The following FGF12 variants were observed in gnomAD, a reference collection of about 807,000 sequenced individuals.
FGF12 encodes fibroblast growth factor 12B.
A neutral mutation model predicts 23.6 loss-of-function variants in FGF12; 14 were observed. That is an observed-to-expected ratio of 0.59 (90% CI 0.39 to 0.93). The LOEUF is 0.93. FGF12 is among the 40% of genes least tolerant of loss of function. The pLI is 0.00. For synonymous variants in FGF12, 62 were observed against 77.3 expected, an observed-to-expected ratio of 0.80 and a Z score of 1.04; for missense variants, 175 against 217.8, an observed-to-expected ratio of 0.80 and a Z score of 1.24.
At chr3:192,527,531 G>A (rs1438023566) in intron 2 of FGF12, among the ~76,000 whole-genome samples, 1 of 152,154 alleles carries the variant, frequency 6.6e-6, no homozygotes, top group East Asian at 1.9e-4. Context: ...TTATGCAAGT[G>A]CACATTGTAA....
intron 2 of FGF12, among the ~76,000 whole-genome samples, chr3:192,469,331 T>A (rs1166451999): frequency 6.6e-6 from 1 of 152,216 alleles, no homozygotes; most frequent in African/African-American, 2.4e-5. Flanking sequence ...TAAATGTACA[T>A]TTGCTAACAC....
At chr3:192,264,121 G>A (rs2108620439) in intron 4 of FGF12, among the ~76,000 whole-genome samples, 1 of 152,088 alleles carries the variant, frequency 6.6e-6, no homozygotes, top group Non-Finnish European at 1.5e-5. Context: ...ATCTCATTAT[G>A]ACTTAGATTC....
intron 2 of FGF12, among the ~76,000 whole-genome samples, chr3:192,613,361 T>TA (rs1225070313): frequency 1.3e-5 from 2 of 151,890 alleles, no homozygotes; most frequent in Admixed American, 6.6e-5. Context: ...CTCACAGGTA[T>TA]ACCACAGATA....
chr3:192,686,153 G>A (rs1717724474), intron 2 of FGF12, among the ~76,000 whole-genome samples: 1 of 152,126 alleles, frequency 6.6e-6, no homozygotes, highest in African/African-American at 2.4e-5. Flanking sequence ...CAGTAGAGAG[G>A]ATGAAAATAT....
intron 4 of FGF12, among the ~76,000 whole-genome samples, chr3:192,272,947 T>C (rs1713540330): frequency 1.3e-5 from 2 of 152,182 alleles, no homozygotes; most frequent in Admixed American, 1.3e-4. Context: ...CCTCCATCTC[T>C]TTTTCAAACT....
chr3:192,241,479 A>G (rs1044047820), intron 4 of FGF12, among the ~76,000 whole-genome samples: 1 of 152,172 alleles, frequency 6.6e-6, no homozygotes, highest in Non-Finnish European at 1.5e-5. Flanking sequence ...AAAGCAGTAT[A>G]AAGAAAAACA....
chr3:192,149,360 T>C (rs967694037), intron 5 of FGF12, among the ~76,000 whole-genome samples: 23 of 150,362 alleles, frequency 1.5e-4, no homozygotes, highest in Admixed American at 6.6e-4. Flanking sequence ...CATGTGCACA[T>C]TGTGCAGGTT....
intron 2 of FGF12, among the ~76,000 whole-genome samples, chr3:192,599,460 G>T (rs2366844): frequency 0.33 from 49,956 of 151,632 alleles, 8,534 homozygotes; most frequent in African/African-American, 0.41. Flanking sequence ...ACCTCAGAAG[G>T]TAGTTCTGAG....
chr3:192,639,499 T>C (rs1715710648), intron 2 of FGF12, among the ~76,000 whole-genome samples: 1 of 152,210 alleles, frequency 6.6e-6, no homozygotes, highest in Non-Finnish European at 1.5e-5. Context: ...ATATCTGAAC[T>C]CCACATTCAT....
chr3:192,635,999 C>T (rs1471184522), intron 2 of FGF12, among the ~76,000 whole-genome samples: 1 of 152,162 alleles, frequency 6.6e-6, no homozygotes, highest in African/African-American at 2.4e-5. Flanking sequence ...CAAATACAAC[C>T]AATTGACACT....
At chr3:192,694,354 A>C (rs1191587219) in intron 2 of FGF12, among the ~76,000 whole-genome samples, 1 of 152,148 alleles carries the variant, frequency 6.6e-6, no homozygotes, top group Non-Finnish European at 1.5e-5. Context: ...AAAAATTAAA[A>C]ATACAACTAT....
At chr3:192,435,566 A>G (rs1315383600) in intron 2 of FGF12, among the ~76,000 whole-genome samples, 1 of 152,160 alleles carries the variant, frequency 6.6e-6, no homozygotes, top group Non-Finnish European at 1.5e-5. Context: ...CTGGTCCCAG[A>G]ACAGCATTGT....
At chr3:192,627,390 G>A (rs774283453) in intron 2 of FGF12, among the ~76,000 whole-genome samples, 9 of 151,526 alleles carry the variant, frequency 5.9e-5, no homozygotes, top group Non-Finnish European at 1.0e-4. Context: ...ACACTATACC[G>A]AATACTATAA....
At position 192,574,736 on chromosome 3, in the gene FGF12, G is replaced by C. The variant is rs144962397; in HGVS notation, c.13+152445C>G. Among the ~76,000 whole-genome samples the C allele has an allele frequency of 1.7e-3, 261 of 152,288 alleles. 9 individuals are homozygous for C. In the East Asian group the frequency reaches 0.028, roughly 16 times the overall value. On this transcript the variant is annotated intron_variant, in intron 2 of 5. Coordinates refer to ENST00000445105, the MANE Select transcript of FGF12 (RefSeq NM_004113.6). ...ATTTGTTGAATACTACTGTGTACTAGGTACAATAATTGAGACAGTAGATAA... is the reference window on the plus strand; with the variant it reads ...ATTTGTTGAATACTACTGTGTACTACGTACAATAATTGAGACAGTAGATAA...
intron 2 of FGF12, among the ~76,000 whole-genome samples, chr3:192,556,267 A>G (rs1711769547): frequency 6.6e-6 from 1 of 152,202 alleles, no homozygotes; most frequent in African/African-American, 2.4e-5. Flanking sequence ...ACTATAAGAT[A>G]TAAACAAATC....
intron 2 of FGF12, among the ~76,000 whole-genome samples, chr3:192,471,990 T>C (rs1407392743): frequency 2.0e-5 from 3 of 152,144 alleles, no homozygotes; most frequent in East Asian, 3.8e-4. Context: ...AGCCTATAGA[T>C]TGTATTTCAC....
At chr3:192,634,729 CTT>C (rs1036955047) in intron 2 of FGF12, among the ~76,000 whole-genome samples, 10 of 151,878 alleles carry the variant, frequency 6.6e-5, no homozygotes, top group African/African-American at 2.4e-4. Flanking sequence ...ATTTAAATGA[CTT>C]TATAGAAACT....
intron 4 of FGF12, among the ~76,000 whole-genome samples, chr3:192,171,748 T>A (rs1056938314): frequency 1.1e-4 from 17 of 152,172 alleles, no homozygotes; most frequent in African/African-American, 3.1e-4. Flanking sequence ...GAGACTCCCA[T>A]GATTTAATGC....
chr3:192,542,045 G>A (rs954148956), intron 2 of FGF12, among the ~76,000 whole-genome samples: 7 of 80,002 alleles, frequency 8.7e-5, no homozygotes, highest in Non-Finnish European at 1.8e-4. Flanking sequence ...TTTTTTTTTT[G>A]TATTTTTAGT....
Sources: gnomAD v4.1 joint callset for allele counts (sites outside exome capture counted in the v4.1 genomes callset) on GRCh38, gnomAD v4.1.1 for gene constraint, MANE v1.5 for transcripts, NCBI Gene and HGNC (gene_info 2026-07-23, HGNC 2026-07-21) for gene names.